Variants in FYN observed in about 807,000 individuals in gnomAD.
FYN encodes FYN proto-oncogene, Src family tyrosine kinase.
FYN carries 10 observed loss-of-function variants against 70.2 expected under a neutral mutation model. The ratio of observed to expected loss-of-function variants is 0.14; its 90% confidence interval spans 0.09 to 0.24. FYN has a LOEUF of 0.24. Among genes scored for constraint, FYN ranks in the 10% least tolerant of loss-of-function variants. The pLI is 1.00. For synonymous variants in FYN, 236 were observed against 248.6 expected (o/e 0.95, Z 0.48); for missense variants, 319 against 673.1 (o/e 0.47, Z 5.82).
chr6:111,706,570 C>A (rs1301412057), intron 6 of FYN, among the ~76,000 whole-genome samples: 1 of 152,034 alleles, frequency 6.6e-6, no homozygotes, highest in Non-Finnish European at 1.5e-5. Flanking sequence ...AATTAGAATG[C>A]CGTGTAAAAC....
At position 111,719,818 on chromosome 6, in the gene FYN, C is replaced by T. The variant is rs780790899; in HGVS notation, c.234G>A (p.Thr78=). The change falls in exon 4 of 14, where the codon ACG becomes ACA. Residue 78 remains threonine, a synonymous_variant. Transcript: ENST00000354650. The part of the protein sequence containing the change: ...NSSSHTGTLR[T]RGGTGVTLFV... ...TTGGGGGCTTACCTGTTCCTCCTCTCGTACGCAAGGTCCCCGTATGAGACG... is the reference window on the plus strand; with the variant it reads ...TTGGGGGCTTACCTGTTCCTCCTCTTGTACGCAAGGTCCCCGTATGAGACG... 7.4e-5 allele frequency: 120 copies of T among 1,613,956 alleles called. 2 individuals carry two copies. The highest frequency in any genetic ancestry group is 5.6e-4 in the South Asian group (51 of 91,072).
intron 3 of FYN, among the ~76,000 whole-genome samples, chr6:111,724,640 CAG>C (rs985587292): frequency 2.6e-5 from 4 of 152,138 alleles, no homozygotes; most frequent in African/African-American, 9.7e-5. Flanking sequence ...CACTTGCAGG[CAG>C]AGGAGGAATG....
At chr6:111,679,051 T>A (rs1798672273) in intron 12 of FYN, among the ~76,000 whole-genome samples, 1 of 152,158 alleles carries the variant, frequency 6.6e-6, no homozygotes, top group South Asian at 2.1e-4. Flanking sequence ...CCCCAGCTGC[T>A]TCTTATCATC....
At chr6:111,711,973 G>C (rs374280657) in intron 5 of FYN, among the ~76,000 whole-genome samples, 1 of 152,190 alleles carries the variant, frequency 6.6e-6, no homozygotes, top group South Asian at 2.1e-4. Context: ...TCCTCTACAA[G>C]AACAGGGTTG....
intron 9 of FYN, chr6:111,699,816 G>A: frequency 2.5e-6 from 2 of 794,964 alleles, no homozygotes; most frequent in South Asian, 2.1e-5. Context: ...ATATTTTATG[G>A]CAGCTGGAAC....
chr6:111,746,214 A>ATT (rs552916565), intron 3 of FYN, among the ~76,000 whole-genome samples: 95 of 152,316 alleles, frequency 6.2e-4, no homozygotes, highest in African/African-American at 2.3e-3. Context: ...GTATAAACAG[A>ATT]TTTAAGTTTA....
intron 2 of FYN, among the ~76,000 whole-genome samples, chr6:111,808,946 G>A (rs1470636198): frequency 6.6e-6 from 1 of 152,202 alleles, no homozygotes; most frequent in Admixed American, 6.5e-5. Context: ...TAGCCATGTA[G>A]TGAAGGTTTC....
At chr6:111,701,802 G>A (rs1181384065) in intron 8 of FYN, among the ~76,000 whole-genome samples, 1 of 152,148 alleles carries the variant, frequency 6.6e-6, no homozygotes, top group Non-Finnish European at 1.5e-5. Flanking sequence ...TCTCCCAAAT[G>A]TTTCATTAGA....
chr6:111,770,926 A>C (rs2128499439), intron 3 of FYN, among the ~76,000 whole-genome samples: 1 of 152,288 alleles, frequency 6.6e-6, no homozygotes. Context: ...TTTCAGCATG[A>C]GATTTGGTGG....
intron 6 of FYN, among the ~76,000 whole-genome samples, chr6:111,706,635 T>C (rs1315342192): frequency 6.6e-6 from 1 of 152,234 alleles, no homozygotes; most frequent in African/African-American, 2.4e-5. Flanking sequence ...AATAGTATTT[T>C]AAGATAATGA....
intron 9 of FYN, among the ~76,000 whole-genome samples, chr6:111,699,347 G>T (rs574586944): frequency 6.6e-6 from 1 of 151,938 alleles, no homozygotes; most frequent in Non-Finnish European, 1.5e-5. Context: ...TAGGACAGAT[G>T]AGCACAGCAA....
chr6:111,845,690 T>A (rs984257725), intron 2 of FYN, among the ~76,000 whole-genome samples: 1 of 152,138 alleles, frequency 6.6e-6, no homozygotes, highest in Non-Finnish European at 1.5e-5. Flanking sequence ...AGCCCCCAAG[T>A]GGCCAGGGAA....
At chr6:111,679,629 G>A (rs544959986) in intron 12 of FYN, among the ~76,000 whole-genome samples, 22 of 152,198 alleles carry the variant, frequency 1.4e-4, no homozygotes, top group Middle Eastern at 6.8e-3. Context: ...GCCCTCTGGT[G>A]AGTCTTCTAC....
chr6:111,661,577 G>A lies in FYN; in HGVS notation c.*162C>T. On this transcript the variant is annotated 3_prime_UTR_variant, in exon 14 of 14. Coordinates refer to ENST00000354650, the MANE Select transcript of FYN (RefSeq NM_002037.5). The surrounding 1 kb of genome is among the most constrained non-coding windows in gnomAD (Gnocchi z 4.0). ...AGAGGAGGTTCGGATTTGGGGACAA[G>A]TGTCATTAATGAGGGCCATGGAAGT... 1 of 645,434 alleles carries A rather than the reference G, an allele frequency of 1.5e-6. No homozygotes were observed. Among genetic ancestry groups the A allele is most frequent in the Non-Finnish European group, 2.7e-6 (1 of 369,420 alleles). The allele number at this position is 645,434 out of a possible 1,614,324, so 40.0% of individuals were successfully genotyped here. A position where few individuals can be genotyped will look rare whatever the true frequency, so the allele number is the denominator to read the frequency against.
chr6:111,730,801 T>C (rs1352116302), intron 3 of FYN, among the ~76,000 whole-genome samples: 1 of 152,184 alleles, frequency 6.6e-6, no homozygotes, highest in Non-Finnish European at 1.5e-5. Flanking sequence ...ATCAAGTATC[T>C]TCCTACCCTC....
intron 4 of FYN, 138 bp downstream of exon 4, chr6:111,719,667 T>C (rs1800839469): frequency 2.1e-6 from 2 of 963,324 alleles, no homozygotes; most frequent in Non-Finnish European, 3.0e-6. Flanking sequence ...CAACCCCTCA[T>C]CTAGTAGAGG....
chr6:111,787,048 G>C (rs1771418345), intron 2 of FYN, among the ~76,000 whole-genome samples: 1 of 152,120 alleles, frequency 6.6e-6, no homozygotes, highest in African/African-American at 2.4e-5. Context: ...TTCTTTTGCT[G>C]TGCAGAAGCT....
At chr6:111,675,672 A>G (rs1224711851) in intron 12 of FYN, among the ~76,000 whole-genome samples, 2 of 152,238 alleles carry the variant, frequency 1.3e-5, no homozygotes, top group East Asian at 3.9e-4. Flanking sequence ...ACGAGCCTGT[A>G]GTCCCAGCTA....
At chr6:111,840,378 G>T (rs1264115947) in intron 2 of FYN, among the ~76,000 whole-genome samples, 1 of 152,192 alleles carries the variant, frequency 6.6e-6, no homozygotes, top group East Asian at 1.9e-4. Context: ...CAATGTGAGG[G>T]CAGAGGCAGA....
Sources: gnomAD v4.1 joint callset for allele counts (sites outside exome capture counted in the v4.1 genomes callset) on GRCh38, gnomAD v4.1.1 for gene constraint, Gnocchi (gnomAD v3.1) non-coding constraint, MANE v1.5 for transcripts, NCBI Gene and HGNC (gene_info 2026-07-23, HGNC 2026-07-21) for gene names.